CPA6: variants seen among roughly 807,000 people sequenced by gnomAD.
CPA6 encodes carboxypeptidase A6, also known as carboxypeptidase B.
Under a neutral mutation model 63.3 loss-of-function variants are expected in CPA6, and 58 were observed. The ratio of observed to expected loss-of-function variants is 0.92; its 90% CI spans 0.74 to 1.14. CPA6 has a LOEUF of 1.14. Among genes scored for constraint, CPA6 ranks in the 50% most tolerant of loss-of-function variants. The pLI is 0.00. For missense variants in CPA6, 565 were observed against 526.6 expected (o/e 1.07, Z -0.71); for synonymous variants, 185 against 179.0 (o/e 1.03, Z -0.27).
intron 2 of CPA6, among the ~76,000 whole-genome samples, chr8:67,550,923 C>G (rs536233023): frequency 9.3e-4 from 142 of 152,052 alleles, no homozygotes; most frequent in African/African-American, 3.2e-3. Context: ...TCTTATAGAG[C>G]CTGGATATTT....
At chr8:67,534,906 C>T (rs1812553811) in intron 2 of CPA6, among the ~76,000 whole-genome samples, 1 of 151,158 alleles carries the variant, frequency 6.6e-6, no homozygotes, top group Non-Finnish European at 1.5e-5. Flanking sequence ...TGTGATGTTC[C>T]CCGCCTTGTG....
rs1422825237 is a variant in CPA6, at chr8:67,517,939, C to T, written c.301G>A (p.Ala101Thr). The part of the protein sequence containing the change: ...SRALLAFLQE[A>T]NIQYKVLIED... Reference sequence around the variant, plus strand: ...AATGCTTACTTGTACTGGATGTTGGCTTCCTGTAAGAAGGCTAACAGGGCT... The same window carrying T: ...AATGCTTACTTGTACTGGATGTTGGTTTCCTGTAAGAAGGCTAACAGGGCT... Residue 101 changes from alanine (A) to threonine (T), a missense_variant, in exon 3 of 11, where the codon GCC (alanine) becomes ACC (threonine). By Grantham distance (58) the Ala-to-Thr change is moderately conservative. Transcript: ENST00000297770. The T allele has an allele frequency of 6.2e-7, 1 of 1,611,150 alleles. No individual in the cohort carries two copies. The highest frequency in any genetic ancestry group is 2.2e-5 in the East Asian group (1 of 44,822).
chr8:67,548,889 C>T (rs1249631431), intron 2 of CPA6, among the ~76,000 whole-genome samples: 2 of 152,170 alleles, frequency 1.3e-5, no homozygotes, highest in Non-Finnish European at 2.9e-5. Context: ...GTCAGGGTCA[C>T]CTGTAGGTTT....
At chr8:67,505,687 AT>A (rs1554669020) in intron 6 of CPA6, among the ~76,000 whole-genome samples, 1 of 152,154 alleles carries the variant, frequency 6.6e-6, no homozygotes, top group Admixed American at 6.5e-5. Context: ...TGTTTAGAAA[AT>A]TTTATTACTC....
chr8:67,545,356 A>T (rs1043393400), intron 2 of CPA6, among the ~76,000 whole-genome samples: 1 of 152,136 alleles, frequency 6.6e-6, no homozygotes, highest in East Asian at 1.9e-4. Context: ...CTATAAATCT[A>T]ACGGCCACTT....
At chr8:67,717,010 G>A (rs1036787440) in intron 1 of CPA6, among the ~76,000 whole-genome samples, 1 of 152,156 alleles carries the variant, frequency 6.6e-6, no homozygotes, top group African/African-American at 2.4e-5. Context: ...TGCAGCCCTT[G>A]TTGAGGGAAG....
At position 67,519,009 on chromosome 8, in the gene CPA6, G is replaced by A. The variant is rs376738211; in HGVS notation, c.193-962C>T. 3.6e-4 allele frequency among the ~76,000 whole-genome samples: 55 copies of A among 152,184 alleles called. 1 individual carries two copies. The highest frequency in any genetic ancestry group is 1.0e-3 in the African/African-American group (42 of 41,526). On this transcript the variant is annotated intron_variant, in intron 2 of 10. Coordinates refer to ENST00000297770, the MANE Select transcript of CPA6 (RefSeq NM_020361.5). ...TTCCTCTTGCCAGAATGTAAGCTCCGGGAGGGCAAAGCGTTTGCCCATTTG... is the reference window on the plus strand; with the variant it reads ...TTCCTCTTGCCAGAATGTAAGCTCCAGGAGGGCAAAGCGTTTGCCCATTTG...
intron 8 of CPA6, among the ~76,000 whole-genome samples, chr8:67,453,196 G>T (rs765294049): frequency 6.6e-6 from 1 of 152,104 alleles, no homozygotes; most frequent in Non-Finnish European, 1.5e-5. Flanking sequence ...GAGAGATGAT[G>T]GTAACTTAGA....
intron 2 of CPA6, among the ~76,000 whole-genome samples, chr8:67,593,738 G>T (rs1323635672): frequency 6.7e-6 from 1 of 149,190 alleles, no homozygotes; most frequent in Non-Finnish European, 1.5e-5. Context: ...CATTTGCTTG[G>T]TAGATCTTCC....
chr8:67,513,544 G>C (rs1812084262), intron 3 of CPA6, among the ~76,000 whole-genome samples: 1 of 152,154 alleles, frequency 6.6e-6, no homozygotes, highest in African/African-American at 2.4e-5. Flanking sequence ...ATCTATACCA[G>C]AATCTCCTTC....
chr8:67,496,663 C>T (rs188509249), intron 6 of CPA6, among the ~76,000 whole-genome samples: 185 of 150,940 alleles, frequency 1.2e-3, no homozygotes, highest in African/African-American at 4.2e-3. Flanking sequence ...CCGGTTCAAG[C>T]GATTCTCCTG....
rs1371803221 is a variant in CPA6 at position 67,627,591 on chromosome 8, A to G, written c.117-3340T>C. Among the ~76,000 whole-genome samples the G allele has an allele frequency of 2.0e-5, 3 of 152,340 alleles. No individual in the cohort carries two copies. The East Asian group carries it at 5.8e-4, about 29-fold the overall frequency. On this transcript the variant is annotated intron_variant, in intron 1 of 10. Coordinates refer to ENST00000297770, the MANE Select transcript of CPA6 (RefSeq NM_020361.5). The stretch of plus-strand genomic sequence containing the variant: ...GGCAAACAGCTGCTCTTATGCACAT[A>G]TATTTCTAACTTAGCCTATATAAAG...
chr8:67,492,475 G>GTTTT (rs140303912), intron 6 of CPA6, among the ~76,000 whole-genome samples: 2 of 148,196 alleles, frequency 1.3e-5, no homozygotes, highest in African/African-American at 4.9e-5. Flanking sequence ...CCTTTATAAG[G>GTTTT]TTTTTTTTTT....
At position 67,475,881 on chromosome 8, in the gene CPA6, CCTTTCTTTCTTTCTTTCTTT is replaced by C. The variant is rs763576613; in HGVS notation, c.838+7867_838+7886del. ...TTTCTTTCTTTCTTTCTTTCTTTCTCCTTTCTTTCTTTCTTTCTTTCTTTCTTTCTTTCTTTCTTTCTTTC... is the reference window on the plus strand; with the variant it reads ...TTTCTTTCTTTCTTTCTTTCTTTCTCCTTTCTTTCTTTCTTTCTTTCTTTC... On this transcript the variant is annotated intron_variant, in intron 8 of 10. Transcript: ENST00000297770. Among the ~76,000 whole-genome samples, 31 of 43,164 alleles carry C rather than the reference CCTTTCTTTCTTTCTTTCTTT, an allele frequency of 7.2e-4. 1 individual carries two copies. Among genetic ancestry groups the C allele is most frequent in the South Asian group, 2.6e-3 (3 of 1,144 alleles). The allele number at this position is 43,164 out of a possible 152,430, so 28.3% of individuals were successfully genotyped here.
intron 2 of CPA6, among the ~76,000 whole-genome samples, chr8:67,617,220 A>G (rs2128986016): frequency 6.6e-6 from 1 of 152,288 alleles, no homozygotes; most frequent in Middle Eastern, 3.4e-3. Context: ...TTTCCTTTTG[A>G]AAGAATGTTT....
intron 6 of CPA6, among the ~76,000 whole-genome samples, chr8:67,495,012 G>A (rs1811679807): frequency 6.6e-6 from 1 of 152,154 alleles, no homozygotes; most frequent in African/African-American, 2.4e-5. Context: ...TAACAGCAGA[G>A]TTTTTGATTT....
At chr8:67,493,769 G>T (rs185559479) in intron 6 of CPA6, among the ~76,000 whole-genome samples, 1 of 151,540 alleles carries the variant, frequency 6.6e-6, no homozygotes, top group African/African-American at 2.4e-5. Flanking sequence ...ATGTTTTATT[G>T]CTTTTCTTTT....
At chr8:67,633,680 CAA>C (rs35134242) in intron 1 of CPA6, among the ~76,000 whole-genome samples, 4 of 112,058 alleles carry the variant, frequency 3.6e-5, no homozygotes, top group Non-Finnish European at 3.7e-5. Flanking sequence ...GACTCCGTCT[CAA>C]AAAAAAAAAA....
At chr8:67,545,145 C>A (rs1490779434) in intron 2 of CPA6, among the ~76,000 whole-genome samples, 1 of 152,064 alleles carries the variant, frequency 6.6e-6, no homozygotes. Context: ...AGTGATTTTT[C>A]TTTCAAATGT....
Sources: allele counts gnomAD v4.1 joint callset (sites outside exome capture counted in the v4.1 genomes callset), GRCh38; gene constraint gnomAD v4.1.1; transcripts MANE v1.5; gene names NCBI Gene and HGNC (gene_info 2026-07-23, HGNC 2026-07-21).